Variants in RIT2 observed in about 807,000 individuals in gnomAD.
RIT2 encodes GTP-binding protein Rit2.
RIT2 carries 24 observed loss-of-function variants against 23.7 expected under a neutral mutation model. The observed-to-expected ratio is 1.01, with a 90% CI of 0.73 to 1.43. The LOEUF (loss-of-function observed/expected upper bound fraction) is 1.43, where lower values mean the gene tolerates loss of function less well. RIT2 is among the 40% of genes most tolerant of loss of function. The pLI, the probability that RIT2 is intolerant of heterozygous loss-of-function variation, is 0.00. For synonymous variants in RIT2, 107 were observed against 91.1 expected (o/e 1.17, Z -0.99); for missense variants, 236 against 266.9 (o/e 0.88, Z 0.81).
At chr18:42,827,499 C>A (rs1906328436) in intron 4 of RIT2, among the ~76,000 whole-genome samples, 3 of 149,738 alleles carry the variant, frequency 2.0e-5, no homozygotes, top group Non-Finnish European at 3.0e-5. Flanking sequence ...CAAAGGACTG[C>A]AAAAATAAAA....
chr18:42,985,726 A>G (rs1392752585), intron 2 of RIT2, among the ~76,000 whole-genome samples: 2 of 152,112 alleles, frequency 1.3e-5, no homozygotes, highest in Non-Finnish European at 2.9e-5. Flanking sequence ...GCTACCATAC[A>G]CTATATACAA....
intron 4 of RIT2, among the ~76,000 whole-genome samples, chr18:42,807,012 T>C (rs952872054): frequency 6.6e-6 from 1 of 152,220 alleles, no homozygotes; most frequent in African/African-American, 2.4e-5. Context: ...TTATGAAGGG[T>C]GCGTGGCTTT....
intron 3 of RIT2, among the ~76,000 whole-genome samples, chr18:42,958,203 A>C (rs1165168020): frequency 6.6e-6 from 1 of 152,220 alleles, no homozygotes; most frequent in Non-Finnish European, 1.5e-5. Flanking sequence ...AAAGTTTACA[A>C]ATTTGCTAGA....
intron 4 of RIT2, among the ~76,000 whole-genome samples, chr18:42,754,657 G>A (rs955620775): frequency 2.6e-5 from 4 of 152,066 alleles, no homozygotes; most frequent in African/African-American, 9.7e-5. Flanking sequence ...CCAACCAAAT[G>A]CAAGGCAGCT....
intron 1 of RIT2, among the ~76,000 whole-genome samples, chr18:43,101,089 G>A (rs192223019): frequency 1.3e-5 from 2 of 151,880 alleles, no homozygotes; most frequent in Non-Finnish European, 2.9e-5. Context: ...ATTCTAACAC[G>A]ATTCACTTAT....
At chr18:42,809,949 T>C (rs1905794652) in intron 4 of RIT2, among the ~76,000 whole-genome samples, 1 of 144,352 alleles carries the variant, frequency 6.9e-6, no homozygotes, top group Non-Finnish European at 1.5e-5. Flanking sequence ...ATATATGATA[T>C]ACATAATTTG....
At chr18:42,937,507 A>G (rs1909490186) in intron 3 of RIT2, among the ~76,000 whole-genome samples, 1 of 152,154 alleles carries the variant, frequency 6.6e-6, no homozygotes, top group Non-Finnish European at 1.5e-5. Flanking sequence ...TGTGCTGGCA[A>G]CATGACAAGT....
intron 4 of RIT2, among the ~76,000 whole-genome samples, chr18:42,817,758 T>G (rs1425747033): frequency 6.6e-6 from 1 of 152,106 alleles, no homozygotes; most frequent in Non-Finnish European, 1.5e-5. Context: ...ATAACTTTTC[T>G]GTGCCTCAAT....
At chr18:43,000,564 C>A (rs764666352) in intron 2 of RIT2, among the ~76,000 whole-genome samples, 1 of 151,946 alleles carries the variant, frequency 6.6e-6, no homozygotes, top group African/African-American at 2.4e-5. Context: ...TCTGTGTCCT[C>A]GCCCAAATCT....
Position 42,743,676 on chromosome 18 carries a change from ACAATTATATTCTTG to A in RIT2, c.457_470del (p.Gln153TrpfsTer4). On this transcript the variant is annotated frameshift_variant, in exon 5 of 5. Coordinates refer to ENST00000326695, the MANE Select transcript of RIT2 (RefSeq NM_002930.4). LOFTEE classifies it high-confidence loss of function. The stretch of plus-strand genomic sequence containing the variant: ...GGGCTGCAGAGGTCTCAAAAAAACC[ACAATTATATTCTTG>A]GGCAAGACTCAAGCCTTCTTCTGTA... 1 of 1,614,018 alleles carries A rather than the reference ACAATTATATTCTTG, an allele frequency of 6.2e-7. No homozygotes were observed. The highest frequency in any genetic ancestry group is 8.5e-7 in the Non-Finnish European group (1 of 1,179,966).
At chr18:42,789,570 G>T (rs1034496884) in intron 4 of RIT2, among the ~76,000 whole-genome samples, 1 of 151,902 alleles carries the variant, frequency 6.6e-6, no homozygotes, top group African/African-American at 2.4e-5. Context: ...TTATTCCCAG[G>T]TATTTTTTTA....
chr18:42,784,456 G>A (rs957912303), intron 4 of RIT2, among the ~76,000 whole-genome samples: 1 of 151,882 alleles, frequency 6.6e-6, no homozygotes, highest in African/African-American at 2.4e-5. Context: ...TTGTAGAATG[G>A]GAGCAATAGC....
intron 2 of RIT2, among the ~76,000 whole-genome samples, chr18:42,991,117 G>C (rs533470464): frequency 1.3e-5 from 2 of 152,132 alleles, no homozygotes; most frequent in South Asian, 4.2e-4. Context: ...TCATGATATT[G>C]GACAACTGTT....
chr18:43,068,817 C>T lies in RIT2; in HGVS notation c.104-34950G>A, dbSNP rs551975512. ...AAAGCACAAATAAGAAGACAAGAGG[C>T]TTCAATTTGTGTTGGCACAGTTTAC... On this transcript the variant is annotated intron_variant, in intron 1 of 4. Transcript: ENST00000326695. Among the ~76,000 whole-genome samples the T allele has an allele frequency of 4.6e-5, 7 of 151,968 alleles. No individual in the cohort carries two copies. In the East Asian group the frequency reaches 1.2e-3, roughly 25 times the overall value.
At chr18:42,891,627 T>G (rs973616690) in intron 4 of RIT2, among the ~76,000 whole-genome samples, 2 of 152,092 alleles carry the variant, frequency 1.3e-5, no homozygotes, top group African/African-American at 4.8e-5. Flanking sequence ...TATTATTAAG[T>G]GACAGAAGCC....
intron 4 of RIT2, among the ~76,000 whole-genome samples, chr18:42,795,655 C>G (rs1905327589): frequency 6.6e-6 from 1 of 152,254 alleles, no homozygotes; most frequent in African/African-American, 2.4e-5. Flanking sequence ...ACCTGCAGCC[C>G]GGGTGCGGGA....
chr18:42,810,222 T>G (rs1439333427), intron 4 of RIT2, among the ~76,000 whole-genome samples: 1 of 151,418 alleles, frequency 6.6e-6, no homozygotes, highest in Non-Finnish European at 1.5e-5. Flanking sequence ...GGGGCTGTAT[T>G]AATAAATAAT....
intron 4 of RIT2, among the ~76,000 whole-genome samples, chr18:42,824,077 T>C (rs553748895): frequency 6.6e-6 from 1 of 152,284 alleles, no homozygotes; most frequent in East Asian, 1.9e-4. Flanking sequence ...CAGTAAATGA[T>C]GTTAAAAAAT....
intron 4 of RIT2, among the ~76,000 whole-genome samples, chr18:42,746,567 T>TAAAAATACAGTCTC (rs980375109): frequency 5.3e-5 from 8 of 152,104 alleles, no homozygotes; most frequent in African/African-American, 1.9e-4. Flanking sequence ...TCTTATGTAC[T>TAAAAATACAGTCTC]AAAAATACAG....
Sources: gnomAD v4.1 joint callset for allele counts (sites outside exome capture counted in the v4.1 genomes callset) on GRCh38, gnomAD v4.1.1 for gene constraint, MANE v1.5 for transcripts, NCBI Gene and HGNC (gene_info 2026-07-23, HGNC 2026-07-21) for gene names.